CHIC2: variants seen among roughly 807,000 people sequenced by gnomAD.
CHIC2 encodes the protein cysteine rich hydrophobic domain 2.
CHIC2 carries 14 observed loss-of-function variants against 25.9 expected under a neutral mutation model. The observed-to-expected ratio is 0.54, with a 90% CI of 0.36 to 0.85. CHIC2 has a LOEUF of 0.85. Ranked by LOEUF, CHIC2 falls within the 40% of genes least tolerant of loss-of-function variation. The pLI is 0.01. For synonymous variants in CHIC2, 70 were observed against 72.0 expected (o/e 0.97, Z 0.14); for missense variants, 146 against 202.0 (o/e 0.72, Z 1.68).
the CHIC2 span, among the ~76,000 whole-genome samples, chr4:54,075,795 G>A: frequency 4.5e-3 from 686 of 152,114 alleles, 4 homozygotes; most frequent in African/African-American, 0.016. Context: ...CTCAAGGCCC[G>A]CCTCGGCCTC....
the CHIC2 span, among the ~76,000 whole-genome samples, chr4:54,084,981 A>AG: frequency 6.9e-6 from 1 of 145,286 alleles, no homozygotes; most frequent in Non-Finnish European, 1.5e-5. Flanking sequence ...AAAAAAAAAA[A>AG]TCAAACAGGT....
At chr4:54,019,635 C>G (rs566184899) in intron 3 of CHIC2, among the ~76,000 whole-genome samples, 5 of 152,088 alleles carry the variant, frequency 3.3e-5, no homozygotes, top group Non-Finnish European at 7.4e-5. Flanking sequence ...CACAAACATG[C>G]ACAATTTAAA....
chr4:54,036,536 C>T lies in CHIC2; in HGVS notation c.330+12419G>A, dbSNP rs530342005. On this transcript the variant is annotated intron_variant, in intron 3 of 5. Coordinates refer to ENST00000263921, the MANE Select transcript of CHIC2 (RefSeq NM_012110.4). Reference sequence around the variant, plus strand: ...GGATCTTGAGAGAACTCAGCACCAACCTGTGAAGTTATCTGCCCCCATGAT... The same window carrying T: ...GGATCTTGAGAGAACTCAGCACCAATCTGTGAAGTTATCTGCCCCCATGAT... 2.0e-5 allele frequency among the ~76,000 whole-genome samples: 3 copies of T among 152,182 alleles called. No homozygotes were observed. The East Asian group carries it at 5.8e-4, about 29-fold the overall frequency.
the CHIC2 span, among the ~76,000 whole-genome samples, chr4:54,078,569 G>T: frequency 6.6e-6 from 1 of 152,114 alleles, no homozygotes; most frequent in African/African-American, 2.4e-5. Flanking sequence ...GGGCTGGAGT[G>T]CAGTGACACG....
chr4:54,083,631 C>T, the CHIC2 span, among the ~76,000 whole-genome samples: 3 of 152,132 alleles, frequency 2.0e-5, no homozygotes, highest in Non-Finnish European at 4.4e-5. Context: ...CTCATTGGTG[C>T]TACCTTCCAA....
At chr4:54,084,959 C>CAAAAA in the CHIC2 span, among the ~76,000 whole-genome samples, 785 of 58,880 alleles carry the variant, frequency 0.013, 38 homozygotes, top group African/African-American at 0.052. Context: ...TGCTCTGTCT[C>CAAAAA]AAAAAAAAAA....
intron 1 of CHIC2, among the ~76,000 whole-genome samples, chr4:54,049,947 T>C (rs1462922788): frequency 1.3e-5 from 2 of 152,220 alleles, no homozygotes; most frequent in African/African-American, 2.4e-5. Context: ...TCTTGAATCA[T>C]GGTTAAAATA....
At chr4:54,032,280 C>T (rs999948844) in intron 3 of CHIC2, among the ~76,000 whole-genome samples, 2 of 143,266 alleles carry the variant, frequency 1.4e-5, no homozygotes, top group Non-Finnish European at 3.1e-5. Flanking sequence ...TCCCCCTCCC[C>T]CTCCCTCTCC....
At chr4:54,073,145 C>T in the CHIC2 span, among the ~76,000 whole-genome samples, 1 of 152,142 alleles carries the variant, frequency 6.6e-6, no homozygotes, top group Admixed American at 6.5e-5. Flanking sequence ...AACCATATTT[C>T]CTCCTGGAAG....
the CHIC2 span, among the ~76,000 whole-genome samples, chr4:54,077,234 C>T: frequency 6.6e-6 from 1 of 152,276 alleles, no homozygotes; most frequent in African/African-American, 2.4e-5. Flanking sequence ...AATTCTCTTC[C>T]TTCAGTTCTT....
upstream of CHIC2, among the ~76,000 whole-genome samples, chr4:54,068,387 C>G (rs144928047): frequency 9.9e-4 from 151 of 152,208 alleles, 1 homozygote; most frequent in Admixed American, 5.4e-3. Flanking sequence ...CTTCCACTAT[C>G]TTAGAACACA....
chr4:54,045,096 C>G (rs1716740734), intron 3 of CHIC2, among the ~76,000 whole-genome samples: 1 of 152,076 alleles, frequency 6.6e-6, no homozygotes, highest in Non-Finnish European at 1.5e-5. Context: ...AAGACTAAAC[C>G]AGGAAGAAGT....
At chr4:54,037,879 G>C (rs1716443375) in intron 3 of CHIC2, among the ~76,000 whole-genome samples, 1 of 151,982 alleles carries the variant, frequency 6.6e-6, no homozygotes, top group African/African-American at 2.4e-5. Flanking sequence ...AAATGTGTAG[G>C]ATATAGTCAA....
intron 3 of CHIC2, among the ~76,000 whole-genome samples, chr4:54,042,510 T>A (rs1371357069): frequency 6.6e-6 from 1 of 152,088 alleles, no homozygotes; most frequent in Non-Finnish European, 1.5e-5. Context: ...AAAAAGGGTA[T>A]CAAAACAAAA....
chr4:54,057,710 A>T (rs1717218609), intron 1 of CHIC2, among the ~76,000 whole-genome samples: 1 of 152,324 alleles, frequency 6.6e-6, no homozygotes, highest in African/African-American at 2.4e-5. Flanking sequence ...CATTTAACAA[A>T]TACTCATTAA....
intron 3 of CHIC2, among the ~76,000 whole-genome samples, chr4:54,039,451 A>G (rs1193414119): frequency 1.3e-5 from 2 of 152,248 alleles, no homozygotes; most frequent in Non-Finnish European, 2.9e-5. Context: ...ATGGCAAATA[A>G]GCACATGAAA....
intron 3 of CHIC2, among the ~76,000 whole-genome samples, chr4:54,016,668 A>T (rs1012629819): frequency 2.6e-5 from 4 of 152,088 alleles, no homozygotes; most frequent in African/African-American, 7.2e-5. Context: ...CCTGCTTGAC[A>T]GGTGAAAAAA....
chr4:54,010,598 T>C (rs529573329), intron 5 of CHIC2, among the ~76,000 whole-genome samples: 2 of 152,252 alleles, frequency 1.3e-5, no homozygotes, highest in South Asian at 4.1e-4. Flanking sequence ...ATAATCCTTA[T>C]TTCACAGATG....
intron 3 of CHIC2, among the ~76,000 whole-genome samples, chr4:54,041,636 A>G (rs967681749): frequency 1.3e-5 from 2 of 152,166 alleles, no homozygotes; most frequent in African/African-American, 2.4e-5. Flanking sequence ...AAACCACATT[A>G]AAGTTTTCTA....
Sources: gnomAD v4.1 joint callset for allele counts (sites outside exome capture counted in the v4.1 genomes callset) on GRCh38, gnomAD v4.1.1 for gene constraint, MANE v1.5 for transcripts, NCBI Gene and HGNC (gene_info 2026-07-23, HGNC 2026-07-21) for gene names.